Variants in DPP6 observed in about 807,000 individuals in gnomAD.
DPP6 encodes dipeptidyl peptidase like 6, also known as A-type potassium channel modulatory protein DPP6.
A neutral mutation model predicts 122.6 loss-of-function variants in DPP6; 69 were observed. The ratio of observed to expected loss-of-function variants is 0.56; its 90% CI spans 0.46 to 0.69. The LOEUF is 0.69. Ranked by LOEUF, DPP6 falls within the 30% of genes least tolerant of loss-of-function variation. The pLI, the probability that DPP6 is intolerant of heterozygous loss-of-function variation, is 0.00. For missense variants in DPP6, 928 were observed against 1,116.9 expected (o/e 0.83, Z 2.41); for synonymous variants, 418 against 433.1 (o/e 0.97, Z 0.43).
intron 10 of DPP6, among the ~76,000 whole-genome samples, chr7:154,781,085 T>G (rs1796997832): frequency 6.6e-6 from 1 of 151,630 alleles, no homozygotes; most frequent in Non-Finnish European, 1.5e-5. Context: ...GTTGGATGAA[T>G]TAATGGATAG....
At chr7:154,501,560 C>T (rs1825249498) in intron 3 of DPP6, among the ~76,000 whole-genome samples, 2 of 152,298 alleles carry the variant, frequency 1.3e-5, no homozygotes, top group Middle Eastern at 3.4e-3. Context: ...AGGGTGCAAG[C>T]CCCAAGTCTT....
intron 1 of DPP6, among the ~76,000 whole-genome samples, chr7:154,389,088 C>T (rs1281183581): frequency 6.6e-6 from 1 of 152,126 alleles, no homozygotes; most frequent in Non-Finnish European, 1.5e-5. Context: ...GCAGTGAGCA[C>T]CCAGTCTCCA....
chr7:154,149,953 G>T (rs1392667756), intron 1 of DPP6, among the ~76,000 whole-genome samples: 1 of 152,120 alleles, frequency 6.6e-6, no homozygotes, highest in African/African-American at 2.4e-5. Context: ...GGAGAAGGCG[G>T]CTCTTTTTTT....
In DPP6 at chr7:154,668,439, C is replaced by G. The variant is rs904301553; in HGVS notation, c.681-921C>G. On this transcript the variant is annotated intron_variant, in intron 6 of 25. Transcript: ENST00000377770. Reference sequence around the variant, plus strand: ...GTTTCACCGTGTTAGCCAGGATGGTCTCGATCTCCTGACCTCGTGATCGAC... The same window carrying G: ...GTTTCACCGTGTTAGCCAGGATGGTGTCGATCTCCTGACCTCGTGATCGAC... Among the ~76,000 whole-genome samples the G allele has an allele frequency of 1.8e-4, 27 of 151,430 alleles. No homozygotes were observed. In the East Asian group the frequency reaches 2.8e-3, roughly 15 times the overall value.
chr7:153,863,646 A>G, the DPP6 span, among the ~76,000 whole-genome samples: 42 of 152,186 alleles, frequency 2.8e-4, no homozygotes, highest in Non-Finnish European at 5.7e-4. Context: ...AGAATTGTAC[A>G]CCCATCGACT....
At chr7:153,926,166 G>GT (rs2129011002) in intron 1 of DPP6, among the ~76,000 whole-genome samples, 1 of 152,024 alleles carries the variant, frequency 6.6e-6, no homozygotes, top group East Asian at 1.9e-4. Flanking sequence ...ATTCATGGTT[G>GT]TTCCATCCTT....
intron 5 of DPP6, among the ~76,000 whole-genome samples, chr7:154,584,544 G>A (rs573864242): frequency 2.4e-4 from 37 of 152,200 alleles, no homozygotes; most frequent in Non-Finnish European, 5.3e-4. Context: ...ACCCCCATGC[G>A]GTTTCAGGGC....
chr7:153,757,269 C>T, the DPP6 span, among the ~76,000 whole-genome samples: 126 of 152,084 alleles, frequency 8.3e-4, 1 homozygote, highest in Non-Finnish European at 1.7e-3. Flanking sequence ...ATTTCAAATG[C>T]AATATTAAGA....
Position 153,926,830 on chromosome 7 carries a change from A to G in DPP6, c.51+39096A>G, listed in dbSNP as rs563293656. Among the ~76,000 whole-genome samples the G allele has an allele frequency of 1.1e-4, 17 of 151,862 alleles. No individual in the cohort carries two copies. The South Asian group carries it at 3.3e-3, about 30-fold the overall frequency. On this transcript the variant is annotated intron_variant, in intron 1 of 25. Coordinates refer to the DPP6 transcript ENST00000404039. ...TAAAAAAAAGAAAAAAAAAAATACTACTTGTTACCAAAATGTTTTCTGAGT... is the reference window on the plus strand; with the variant it reads ...TAAAAAAAAGAAAAAAAAAAATACTGCTTGTTACCAAAATGTTTTCTGAGT...
intron 21 of DPP6, among the ~76,000 whole-genome samples, chr7:154,881,730 C>T (rs544980344): frequency 1.3e-4 from 20 of 152,338 alleles, no homozygotes; most frequent in Middle Eastern, 3.4e-3. Flanking sequence ...ACTGGAGACC[C>T]GGCCCTGCCC....
At chr7:154,308,112 T>C (rs1218108342) in intron 1 of DPP6, among the ~76,000 whole-genome samples, 1 of 152,068 alleles carries the variant, frequency 6.6e-6, no homozygotes, top group African/African-American at 2.4e-5. Context: ...GTTACTGCAA[T>C]AGACTACCCA....
intron 8 of DPP6, among the ~76,000 whole-genome samples, chr7:154,767,291 C>T (rs897866949): frequency 6.6e-6 from 1 of 152,174 alleles, no homozygotes; most frequent in African/African-American, 2.4e-5. Context: ...GCCCCATTGG[C>T]CCCTTTCTTG....
intron 1 of DPP6, among the ~76,000 whole-genome samples, chr7:154,098,587 C>A (rs1469543021): frequency 1.3e-5 from 2 of 151,030 alleles, no homozygotes; most frequent in East Asian, 3.8e-4. Context: ...AGGGGCCTTG[C>A]TCAGCTTTTT....
At chr7:154,421,534 G>A (rs1361242059) in intron 1 of DPP6, among the ~76,000 whole-genome samples, 2 of 152,094 alleles carry the variant, frequency 1.3e-5, no homozygotes, top group Non-Finnish European at 2.9e-5. Context: ...ATGTTGGCCA[G>A]GCTGGTCTTG....
chr7:154,439,328 C>G (rs1381670345), intron 1 of DPP6, among the ~76,000 whole-genome samples: 1 of 152,166 alleles, frequency 6.6e-6, no homozygotes, highest in African/African-American at 2.4e-5. Flanking sequence ...TACAAATGCT[C>G]AATTTTAAAT....
At chr7:154,176,770 G>T (rs1797823191) in intron 1 of DPP6, among the ~76,000 whole-genome samples, 1 of 152,186 alleles carries the variant, frequency 6.6e-6, no homozygotes, top group African/African-American at 2.4e-5. Flanking sequence ...CGCGTGCCTG[G>T]GGCTTTCAGG....
intron 1 of DPP6, among the ~76,000 whole-genome samples, chr7:154,244,263 A>G (rs927282552): frequency 6.6e-6 from 1 of 152,172 alleles, no homozygotes; most frequent in African/African-American, 2.4e-5. Context: ...AAAAAATACA[A>G]ATCTATTGAC....
intron 10 of DPP6, chr7:154,793,492 C>G (rs1378611017): frequency 1.3e-5 from 2 of 152,178 alleles, no homozygotes; most frequent in African/African-American, 2.4e-5. Context: ...GATATCAAAC[C>G]AAGTTCGCCT....
chr7:153,765,472 G>T, the DPP6 span, among the ~76,000 whole-genome samples: 1 of 151,958 alleles, frequency 6.6e-6, no homozygotes, highest in Non-Finnish European at 1.5e-5. Flanking sequence ...AACCAGGGAG[G>T]TGGAGGTTGC....
Sources: gnomAD v4.1 joint callset for allele counts (sites outside exome capture counted in the v4.1 genomes callset) on GRCh38, gnomAD v4.1.1 for gene constraint, MANE v1.5 for transcripts, NCBI Gene and HGNC (gene_info 2026-07-23, HGNC 2026-07-21) for gene names.